PIERCE1: variants seen among roughly 807,000 people sequenced by gnomAD.
PIERCE1 encodes piercer of microtubule wall 1 protein.
At chr9:135,498,440 CA>C in the PIERCE1 span, 1 of 650,792 alleles carries the variant, frequency 1.5e-6, no homozygotes, top group Non-Finnish European at 2.7e-6. The surrounding 1 kb of genome is among the most constrained non-coding windows in gnomAD (Gnocchi z 4.1). Context: ...CCCTCCTCCC[CA>C]TTTGTGATGC....
the PIERCE1 span, among the ~76,000 whole-genome samples, chr9:135,496,917 C>T: frequency 1.8e-4 from 28 of 152,006 alleles, no homozygotes; most frequent in Non-Finnish European, 3.4e-4. Flanking sequence ...CTGCCTCAGC[C>T]TCCCAAGCAG....
chr9:135,497,017 A>G, the PIERCE1 span, among the ~76,000 whole-genome samples: 1 of 152,102 alleles, frequency 6.6e-6, no homozygotes, highest in Non-Finnish European at 1.5e-5. Flanking sequence ...GGCTGGTCTC[A>G]AACTCCTGAC....
chr9:135,498,159 G>C, the PIERCE1 span, among the ~76,000 whole-genome samples: 1 of 152,154 alleles, frequency 6.6e-6, no homozygotes, highest in African/African-American at 2.4e-5. This position sits in a 1 kb window ranked among gnomAD's most constrained non-coding sequence, Gnocchi z 4.1. Context: ...CCGTCAGCCA[G>C]TACTGCCTCT....
chr9:135,496,399 T>A, the PIERCE1 span, among the ~76,000 whole-genome samples: 2 of 152,236 alleles, frequency 1.3e-5, no homozygotes, highest in Non-Finnish European at 2.9e-5. Flanking sequence ...ATTAGGTGAC[T>A]GTGACATTCC....
chr9:135,498,244 T>C, the PIERCE1 span, among the ~76,000 whole-genome samples: 1 of 152,138 alleles, frequency 6.6e-6, no homozygotes, highest in Non-Finnish European at 1.5e-5. The surrounding 1 kb of genome is among the most constrained non-coding windows in gnomAD (Gnocchi z 4.1). Context: ...GCCTCAGAAC[T>C]GAGCACCGTA....
the PIERCE1 span, among the ~76,000 whole-genome samples, chr9:135,495,881 C>T: frequency 6.6e-6 from 1 of 152,164 alleles, no homozygotes; most frequent in South Asian, 2.1e-4. Flanking sequence ...TGGCTGTGAG[C>T]ATCGCCTTGG....
At chr9:135,499,209 C>T in the PIERCE1 span, among the ~76,000 whole-genome samples, 11 of 152,344 alleles carry the variant, frequency 7.2e-5, no homozygotes, top group African/African-American at 2.2e-4. Context: ...CATCTCAATG[C>T]GAGAATGAGG....
chr9:135,495,914 C>T, the PIERCE1 span, among the ~76,000 whole-genome samples: 1 of 152,216 alleles, frequency 6.6e-6, no homozygotes, highest in Admixed American at 6.5e-5. Context: ...GAGTCACCCC[C>T]AGGTCTGCTT....
the PIERCE1 span, chr9:135,499,054 C>T: frequency 4.0e-4 from 109 of 272,706 alleles, 1 homozygote; most frequent in Non-Finnish European, 7.4e-4. Context: ...GCCTCTGAGC[C>T]CCCACCCTCA....
At chr9:135,495,596 G>C in the PIERCE1 span, 3 of 1,613,458 alleles carry the variant, frequency 1.9e-6, no homozygotes, top group South Asian at 2.2e-5. Context: ...AAATTTATTC[G>C]AATTTGGATA....
At chr9:135,495,445 C>G in the PIERCE1 span, 6 of 1,613,566 alleles carry the variant, frequency 3.7e-6, no homozygotes, top group Non-Finnish European at 5.1e-6. Context: ...AGATGGATGG[C>G]CTGTTGATGT....
chr9:135,498,750 T>A, the PIERCE1 span: 1 of 1,230,336 alleles, frequency 8.1e-7, no homozygotes, highest in Non-Finnish European at 1.2e-6. The surrounding 1 kb of genome is among the most constrained non-coding windows in gnomAD (Gnocchi z 4.1). Context: ...GGCACTCCCC[T>A]GGAAATGCCC....
At chr9:135,498,894 A>C in the PIERCE1 span, 4 of 539,464 alleles carry the variant, frequency 7.4e-6, no homozygotes, top group Non-Finnish European at 1.3e-5. The surrounding 1 kb of genome is among the most constrained non-coding windows in gnomAD (Gnocchi z 4.1). Flanking sequence ...TGCTCTTCCA[A>C]GGCAGGCCAA....
chr9:135,498,554 C>G, the PIERCE1 span: 1 of 1,604,678 alleles, frequency 6.2e-7, no homozygotes. This position sits in a 1 kb window ranked among gnomAD's most constrained non-coding sequence, Gnocchi z 4.1. Context: ...CCACCCCCTG[C>G]CCCCCATGCC....
At chr9:135,498,777 A>G in the PIERCE1 span, 2 of 957,664 alleles carry the variant, frequency 2.1e-6, no homozygotes, top group Admixed American at 3.8e-5. This position sits in a 1 kb window ranked among gnomAD's most constrained non-coding sequence, Gnocchi z 4.1. Flanking sequence ...AAAGAGCAAT[A>G]TGCCCGGGCT....
the PIERCE1 span, chr9:135,495,620 A>T: frequency 6.2e-7 from 1 of 1,608,282 alleles, no homozygotes; most frequent in Non-Finnish European, 8.5e-7. Flanking sequence ...TACTTTCTAT[A>T]AGAGATAAAG....
the PIERCE1 span, chr9:135,499,355 C>A: frequency 1.9e-6 from 1 of 526,370 alleles, no homozygotes; most frequent in Non-Finnish European, 3.7e-6. Flanking sequence ...CAGCTCAGAG[C>A]TGGCTGAGTC....
chr9:135,495,397 A>G, the PIERCE1 span: 3 of 1,591,486 alleles, frequency 1.9e-6, no homozygotes, highest in African/African-American at 4.0e-5. Context: ...CCCTGGGGTC[A>G]GAGGACTCCT....
the PIERCE1 span, chr9:135,498,546 A>C: frequency 1.3e-6 from 2 of 1,595,150 alleles, no homozygotes; most frequent in Non-Finnish European, 1.7e-6. The surrounding 1 kb of genome is among the most constrained non-coding windows in gnomAD (Gnocchi z 4.1). Flanking sequence ...GAGGCCACCC[A>C]CCCCCTGCCC....
Sources: gnomAD v4.1 joint callset for allele counts (sites outside exome capture counted in the v4.1 genomes callset) on GRCh38, gnomAD v4.1.1 for gene constraint, Gnocchi (gnomAD v3.1) non-coding constraint, MANE v1.5 for transcripts, NCBI Gene and HGNC (gene_info 2026-07-23, HGNC 2026-07-21) for gene names.